Variants in MAP2K5 observed in about 807,000 individuals in gnomAD.
The protein encoded by MAP2K5 is mitogen-activated protein kinase kinase 5.
Under a neutral mutation model 83.1 loss-of-function variants are expected in MAP2K5, and 49 were observed. The observed-to-expected ratio is 0.59, with a 90% CI of 0.47 to 0.75. The LOEUF (loss-of-function observed/expected upper bound fraction) is 0.75. Among genes scored for constraint, MAP2K5 ranks in the 30% least tolerant of loss-of-function variants. MAP2K5 has a pLI of 0.00. For missense variants in MAP2K5, 457 were observed against 557.5 expected (o/e 0.82, Z 1.82); for synonymous variants, 202 against 191.8 (o/e 1.05, Z -0.44).
chr15:67,563,406 C>T lies in MAP2K5; in HGVS notation c.252+56C>T. 4 of 1,568,774 alleles carry T rather than the reference C, an allele frequency of 2.5e-6. No individual in the cohort carries two copies. Among genetic ancestry groups the T allele is most frequent in the East Asian group, 2.3e-5 (1 of 43,784 alleles). Reference sequence around the variant, plus strand: ...TAAAATCTTAACGTGATTGAGGATGCTGTTTCTTGGGCATAGTGAAGACGA... The same window carrying T: ...TAAAATCTTAACGTGATTGAGGATGTTGTTTCTTGGGCATAGTGAAGACGA... On this transcript the variant is annotated intron_variant, in intron 3 of 21. Transcript: ENST00000178640. This position sits in a 1 kb window ranked among gnomAD's most constrained non-coding sequence, Gnocchi z 4.5.
Position 67,552,727 on chromosome 15 carries a change from G to C in MAP2K5, c.184+2645G>C, listed in dbSNP as rs987638996. Among the ~76,000 whole-genome samples the C allele has an allele frequency of 1.3e-5, 2 of 152,082 alleles. No individual in the cohort carries two copies. The highest frequency in any genetic ancestry group is 2.9e-5 in the Non-Finnish European group (2 of 68,008). ...GCTGGGATTACAGGTGTGAGCCACTGTACCCACGAAGTACTTAAAAGGACA... is the reference window on the plus strand; with the variant it reads ...GCTGGGATTACAGGTGTGAGCCACTCTACCCACGAAGTACTTAAAAGGACA... On this transcript the variant is annotated intron_variant, in intron 2 of 21. Coordinates refer to ENST00000178640, the MANE Select transcript of MAP2K5 (RefSeq NM_145160.3). This position sits in a 1 kb window ranked among gnomAD's most constrained non-coding sequence, Gnocchi z 4.2.
At chr15:67,625,913 C>T (rs1012385566) in intron 8 of MAP2K5, among the ~76,000 whole-genome samples, 9 of 152,114 alleles carry the variant, frequency 5.9e-5, no homozygotes, top group African/African-American at 2.2e-4. Context: ...ATTAAGTTGC[C>T]AAACTGTCCA....
chr15:67,677,802 G>A lies in MAP2K5; in HGVS notation c.847+13157G>A, dbSNP rs1360407894. On this transcript the variant is annotated intron_variant, in intron 13 of 21. Coordinates refer to ENST00000178640, the MANE Select transcript of MAP2K5 (RefSeq NM_145160.3). This position sits in a 1 kb window ranked among gnomAD's most constrained non-coding sequence, Gnocchi z 4.2. ...GGATTAAGAGAGGGAGAATTGAGAAGCTCAGGCCTTTTTGCCCTTGTTATT... is the reference window on the plus strand; with the variant it reads ...GGATTAAGAGAGGGAGAATTGAGAAACTCAGGCCTTTTTGCCCTTGTTATT... Among the ~76,000 whole-genome samples the A allele has an allele frequency of 6.6e-6, 1 of 152,222 alleles. No individual in the cohort carries two copies. The highest frequency in any genetic ancestry group is 1.9e-4 in the East Asian group (1 of 5,204).
rs938906557 is a variant in MAP2K5, at chr15:67,561,722, A to G, written c.185-1561A>G. ...TCCAAGTGCTGGTTTCGATCATGCTATCAGATTGCTGTTGGCCACTGAAGA... is the reference window on the plus strand; with the variant it reads ...TCCAAGTGCTGGTTTCGATCATGCTGTCAGATTGCTGTTGGCCACTGAAGA... On this transcript the variant is annotated intron_variant, in intron 2 of 21. Transcript: ENST00000178640. The surrounding 1 kb of genome is among the most constrained non-coding windows in gnomAD (Gnocchi z 4.2). Among the ~76,000 whole-genome samples the G allele has an allele frequency of 6.6e-6, 1 of 152,210 alleles. No homozygotes were observed. The highest frequency in any genetic ancestry group is 1.5e-5 in the Non-Finnish European group (1 of 68,044).
In MAP2K5 at chr15:67,651,645, C is replaced by A. The variant is rs569488692; in HGVS notation, c.736+5176C>A. Among the ~76,000 whole-genome samples, 14 of 152,292 alleles carry A rather than the reference C, an allele frequency of 9.2e-5. No homozygotes were observed. In the East Asian group the frequency reaches 2.1e-3, roughly 23 times the overall value. The stretch of plus-strand genomic sequence containing the variant: ...ATGTCTTTCTGTGTCCAGATTATTT[C>A]ATTTAAAATAATATCCACCCATATT... On this transcript the variant is annotated intron_variant, in intron 11 of 21. Coordinates refer to ENST00000178640, the MANE Select transcript of MAP2K5 (RefSeq NM_145160.3).
intron 8 of MAP2K5, among the ~76,000 whole-genome samples, chr15:67,601,803 C>T (rs1316546756): frequency 6.6e-6 from 1 of 152,214 alleles, no homozygotes; most frequent in Non-Finnish European, 1.5e-5. Context: ...TTTGATTTCT[C>T]AGGCTTAGAA....
chr15:67,684,318 A>G (rs1230445911), intron 13 of MAP2K5, among the ~76,000 whole-genome samples: 1 of 152,236 alleles, frequency 6.6e-6, no homozygotes, highest in East Asian at 1.9e-4. Context: ...AACACATTGG[A>G]GAATTCAAGA....
rs1292329866 is a variant in MAP2K5 at position 67,722,237 on chromosome 15, T to C, written c.1045-5679T>C. ...AGTTATCAGCTAATGGCGTTATACA[T>C]TAAAAATTGAAGCTTTCCTCACTCT... On this transcript the variant is annotated intron_variant, in intron 16 of 21. Transcript: ENST00000178640. The surrounding 1 kb of genome is among the most constrained non-coding windows in gnomAD (Gnocchi z 4.2). Among the ~76,000 whole-genome samples, 1 of 152,232 alleles carries C rather than the reference T, an allele frequency of 6.6e-6. No homozygotes were observed. The highest frequency in any genetic ancestry group is 2.4e-5 in the African/African-American group (1 of 41,466).
At chr15:67,608,840 T>C (rs979460377) in intron 8 of MAP2K5, among the ~76,000 whole-genome samples, 16 of 152,200 alleles carry the variant, frequency 1.1e-4, no homozygotes, top group African/African-American at 3.9e-4. Context: ...CTACTCTTGT[T>C]CCCACTGGGT....
rs1364760729 is a variant in MAP2K5 at position 67,779,820 on chromosome 15, A to G, written c.1242+7068A>G. Reference sequence around the variant, plus strand: ...AGAGTTTGGTTATCTTGGATGCAGTAAAGTGGATCAGTTGGGCTGCTCTTC... The same window carrying G: ...AGAGTTTGGTTATCTTGGATGCAGTGAAGTGGATCAGTTGGGCTGCTCTTC... On this transcript the variant is annotated intron_variant, in intron 21 of 21. Coordinates refer to ENST00000178640, the MANE Select transcript of MAP2K5 (RefSeq NM_145160.3). This position sits in a 1 kb window ranked among gnomAD's most constrained non-coding sequence, Gnocchi z 4.6. 2.6e-5 allele frequency among the ~76,000 whole-genome samples: 4 copies of G among 152,234 alleles called. No individual in the cohort carries two copies. Among genetic ancestry groups the G allele is most frequent in the Non-Finnish European group, 5.9e-5 (4 of 68,042 alleles).
chr15:67,606,647 T>G (rs916489732), intron 8 of MAP2K5, among the ~76,000 whole-genome samples: 10 of 152,172 alleles, frequency 6.6e-5, no homozygotes, highest in Non-Finnish European at 1.3e-4. Context: ...CCTATTAGGT[T>G]GTGTTTTGCA....
chr15:67,766,555 A>G (rs1010016928), intron 19 of MAP2K5, among the ~76,000 whole-genome samples: 1 of 152,186 alleles, frequency 6.6e-6, no homozygotes, highest in Non-Finnish European at 1.5e-5. Context: ...ACTCCTCGGG[A>G]TGACTAGATA....
intron 7 of MAP2K5, among the ~76,000 whole-genome samples, chr15:67,594,004 T>C (rs530222465): frequency 6.6e-6 from 1 of 152,328 alleles, no homozygotes; most frequent in East Asian, 1.9e-4. Context: ...AAAACAGTGC[T>C]GTATGGTAGT....
rs2088859384 is a variant in MAP2K5 at position 67,717,649 on chromosome 15, C to T, written c.1045-10267C>T. Among the ~76,000 whole-genome samples, 2 of 152,164 alleles carry T rather than the reference C, an allele frequency of 1.3e-5. No individual in the cohort carries two copies. Among genetic ancestry groups the T allele is most frequent in the Admixed American group, 1.3e-4 (2 of 15,282 alleles). On this transcript the variant is annotated intron_variant, in intron 16 of 21. Transcript: ENST00000178640. The surrounding 1 kb of genome is among the most constrained non-coding windows in gnomAD (Gnocchi z 4.1). ...GGAATCCTAGCAAGGCCCAGCCATT[C>T]TATGTAGCATCAAAAGCCTCTCATG...
intron 8 of MAP2K5, among the ~76,000 whole-genome samples, chr15:67,618,736 G>T (rs2086111550): frequency 6.6e-6 from 1 of 152,020 alleles, no homozygotes; most frequent in Non-Finnish European, 1.5e-5. Flanking sequence ...CACAAATCTT[G>T]TGGGTTCTTC....
At chr15:67,628,755 G>A (rs1301677300) in intron 8 of MAP2K5, 51 of 762,478 alleles carry the variant, frequency 6.7e-5, no homozygotes, top group Admixed American at 3.1e-4. Context: ...CAAAGAGGTC[G>A]AAGTGGCTCT....
intron 11 of MAP2K5, among the ~76,000 whole-genome samples, chr15:67,647,843 T>C (rs2086863759): frequency 6.6e-6 from 1 of 151,964 alleles, no homozygotes; most frequent in African/African-American, 2.4e-5. Flanking sequence ...CACTCCACCC[T>C]GGGTGACAAA....
chr15:67,617,515 T>G (rs1440123630), intron 8 of MAP2K5, among the ~76,000 whole-genome samples: 2 of 152,176 alleles, frequency 1.3e-5, no homozygotes, highest in Non-Finnish European at 2.9e-5. Context: ...TCTCCTAGAA[T>G]TTGAAATTCT....
Position 67,676,672 on chromosome 15 carries a change from C to T in MAP2K5, c.847+12027C>T, listed in dbSNP as rs547186720. Among the ~76,000 whole-genome samples, 2 of 152,262 alleles carry T rather than the reference C, an allele frequency of 1.3e-5. No individual in the cohort carries two copies. The highest frequency in any genetic ancestry group is 4.8e-5 in the African/African-American group (2 of 41,542). ...TACCTTGTATGTGCTACAGTGTTAG[C>T]TCTCTTGTATGTATAATTTTATTTA... On this transcript the variant is annotated intron_variant, in intron 13 of 21. Transcript: ENST00000178640. The surrounding 1 kb of genome is among the most constrained non-coding windows in gnomAD (Gnocchi z 4.8).
Sources: gnomAD v4.1 joint callset for allele counts (sites outside exome capture counted in the v4.1 genomes callset) on GRCh38, gnomAD v4.1.1 for gene constraint, Gnocchi (gnomAD v3.1) non-coding constraint, MANE v1.5 for transcripts, NCBI Gene and HGNC (gene_info 2026-07-23, HGNC 2026-07-21) for gene names.